The following SIK3 variants were observed in gnomAD, a reference collection of about 807,000 sequenced individuals.
SIK3 encodes serine/threonine-protein kinase SIK3.
In SIK3, 28 loss-of-function variants were observed where a neutral mutation model predicts 144.2. The observed-to-expected ratio is 0.19, with a 90% CI of 0.14 to 0.27. SIK3 has a LOEUF of 0.27. Ranked by LOEUF, SIK3 falls within the 10% of genes least tolerant of loss-of-function variation. The probability of loss-of-function intolerance (pLI) is 1.00; values close to 1 mark genes in which losing one functional copy is unlikely to be tolerated. For synonymous variants in SIK3, 686 were observed against 676.3 expected (o/e 1.01, Z -0.22); for missense variants, 1,319 against 1,776.0 (o/e 0.74, Z 4.62).
intron 6 of SIK3, among the ~76,000 whole-genome samples, chr11:116,887,831 G>A (rs1391504083): frequency 6.6e-6 from 1 of 152,162 alleles, no homozygotes; most frequent in Non-Finnish European, 1.5e-5. Context: ...AAACTAGGTG[G>A]TATACAATCA....
At chr11:116,871,953 C>T (rs1329162427) in intron 13 of SIK3, among the ~76,000 whole-genome samples, 1 of 152,094 alleles carries the variant, frequency 6.6e-6, no homozygotes, top group Non-Finnish European at 1.5e-5. Flanking sequence ...ATGTGTAGAA[C>T]TCAGAGGAGC....
chr11:116,907,929 A>T (rs979679104), intron 4 of SIK3, among the ~76,000 whole-genome samples: 12 of 152,026 alleles, frequency 7.9e-5, no homozygotes, highest in Admixed American at 2.0e-4. Flanking sequence ...CTATCCCCAA[A>T]TTAATTCCAG....
chr11:116,928,671 G>A (rs1174314260), intron 3 of SIK3, among the ~76,000 whole-genome samples: 3 of 152,142 alleles, frequency 2.0e-5, no homozygotes, highest in Non-Finnish European at 4.4e-5. Context: ...TGAAGAAGGG[G>A]AGTTAGATGC....
At chr11:116,917,309 A>G (rs1392156967) in intron 4 of SIK3, among the ~76,000 whole-genome samples, 1 of 152,184 alleles carries the variant, frequency 6.6e-6, no homozygotes, top group Admixed American at 6.5e-5. Context: ...GTAAGTTTCT[A>G]TAACTTTTCT....
intron 3 of SIK3, among the ~76,000 whole-genome samples, chr11:116,933,754 G>A (rs1947753926): frequency 6.6e-6 from 1 of 152,024 alleles, no homozygotes; most frequent in African/African-American, 2.4e-5. Context: ...AATTAAGTCT[G>A]CATTTCTATG....
intron 1 of SIK3, among the ~76,000 whole-genome samples, chr11:117,041,664 A>G (rs758038424): frequency 2.0e-5 from 3 of 152,206 alleles, no homozygotes; most frequent in Non-Finnish European, 4.4e-5. Flanking sequence ...CCAAGATCAC[A>G]GACTACTCTG....
chr11:117,075,151 C>T (rs1194932321), intron 1 of SIK3, among the ~76,000 whole-genome samples: 1 of 152,140 alleles, frequency 6.6e-6, no homozygotes, highest in Non-Finnish European at 1.5e-5. Context: ...ACATATAAGA[C>T]ACAGATAATA....
intron 4 of SIK3, among the ~76,000 whole-genome samples, chr11:116,914,485 G>A (rs1387115361): frequency 6.6e-6 from 1 of 152,128 alleles, no homozygotes; most frequent in African/African-American, 2.4e-5. Context: ...TTACAAGCAT[G>A]AGCCACCACG....
chr11:116,884,053 G>C (rs909582490), intron 6 of SIK3, among the ~76,000 whole-genome samples: 1 of 152,056 alleles, frequency 6.6e-6, no homozygotes, highest in African/African-American at 2.4e-5. Context: ...GGATTTTGTT[G>C]TTGCACTGAA....
intron 1 of SIK3, among the ~76,000 whole-genome samples, chr11:116,980,593 C>A (rs1216116751): frequency 1.3e-5 from 2 of 152,174 alleles, no homozygotes; most frequent in East Asian, 1.9e-4. Flanking sequence ...TGGCTCATGC[C>A]TATAATGCCA....
intron 1 of SIK3, among the ~76,000 whole-genome samples, chr11:117,042,479 C>A (rs986859100): frequency 2.0e-5 from 3 of 152,102 alleles, no homozygotes; most frequent in Non-Finnish European, 4.4e-5. Context: ...AGGACTTTGC[C>A]AAAATACCAG....
chr11:117,067,366 C>T (rs1004588873), intron 1 of SIK3, among the ~76,000 whole-genome samples: 3 of 152,080 alleles, frequency 2.0e-5, no homozygotes, highest in Non-Finnish European at 4.4e-5. Context: ...CAATAAAAAA[C>T]AACAAACTCT....
chr11:116,882,822 G>A (rs1944614293), intron 6 of SIK3, among the ~76,000 whole-genome samples: 1 of 152,112 alleles, frequency 6.6e-6, no homozygotes, highest in Non-Finnish European at 1.5e-5. Flanking sequence ...TCTTAAAAAT[G>A]TTTACTTCTT....
rs372459209 is a variant in SIK3, at chr11:116,897,332, G to A, written c.617-15C>T. 1 of 1,610,898 alleles carries A rather than the reference G, an allele frequency of 6.2e-7. No homozygotes were observed. The highest frequency in any genetic ancestry group is 1.3e-5 in the African/African-American group (1 of 74,766). On this transcript the variant is annotated splice_polypyrimidine_tract_variant and intron_variant, in intron 4 of 24. Transcript: ENST00000445177. Reference sequence around the variant, plus strand: ...GAAACCAAAATCTAGAAAGGCAAATGGACATAATTCGTATTATTGTAACCT... The same window carrying A: ...GAAACCAAAATCTAGAAAGGCAAATAGACATAATTCGTATTATTGTAACCT...
chr11:116,973,837 C>T (rs1008178397), intron 1 of SIK3, among the ~76,000 whole-genome samples: 1 of 152,086 alleles, frequency 6.6e-6, no homozygotes. Context: ...AATACCTGAC[C>T]AGTACTACTC....
At chr11:117,030,570 G>A (rs1952215104) in intron 1 of SIK3, among the ~76,000 whole-genome samples, 1 of 152,050 alleles carries the variant, frequency 6.6e-6, no homozygotes, top group African/African-American at 2.4e-5. Flanking sequence ...ACAACAAAAT[G>A]TTACTGGAAG....
At chr11:116,999,053 AGATTTAAACAACTAAT>A (rs1950765540) in intron 1 of SIK3, among the ~76,000 whole-genome samples, 1 of 152,236 alleles carries the variant, frequency 6.6e-6, no homozygotes, top group Non-Finnish European at 1.5e-5. Flanking sequence ...ATCCAATTCC[AGATTTAAACAACTAAT>A]GAGAGTGTTT....
At chr11:117,038,556 C>T (rs1189176004) in intron 1 of SIK3, among the ~76,000 whole-genome samples, 1 of 151,790 alleles carries the variant, frequency 6.6e-6, no homozygotes, top group Non-Finnish European at 1.5e-5. Flanking sequence ...GAGGTTTCAC[C>T]ATGTTGGCCA....
In SIK3 at chr11:116,875,423, A is replaced by C; in HGVS notation, c.1268T>G (p.Ile423Ser). ...GATCAGCTGCACCTGGGGAACGCTG[A>C]TGTTCATAGCAGTACCTGCCTGCTC... ...QAEQAGTAMN[I>S]SVPQVQLINP... Residue 423 changes from isoleucine to serine, a missense_variant, in exon 10 of 25, where the codon ATC becomes AGC. Transcript: ENST00000445177. The C allele has an allele frequency of 1.2e-6, 2 of 1,614,228 alleles. No homozygotes were observed. Among genetic ancestry groups the C allele is most frequent in the Non-Finnish European group, 1.7e-6 (2 of 1,180,038 alleles).
Sources: allele counts gnomAD v4.1 joint callset (sites outside exome capture counted in the v4.1 genomes callset), GRCh38; gene constraint gnomAD v4.1.1; transcripts MANE v1.5; gene names NCBI Gene and HGNC (gene_info 2026-07-23, HGNC 2026-07-21).